The following SPAG16 variants were observed in gnomAD, a reference collection of about 807,000 sequenced individuals.
SPAG16 encodes the protein sperm associated antigen 16.
A neutral mutation model predicts 80.4 loss-of-function variants in SPAG16; 86 were observed. The ratio of observed to expected loss-of-function variants is 1.07; its 90% CI spans 0.90 to 1.28. The LOEUF (loss-of-function observed/expected upper bound fraction) is 1.28, where lower values mean the gene tolerates loss of function less well. Among genes scored for constraint, SPAG16 ranks in the 50% most tolerant of loss-of-function variants. The probability of loss-of-function intolerance (pLI) is 0.00; values close to 1 mark genes in which losing one functional copy is unlikely to be tolerated. For missense variants in SPAG16, 870 were observed against 765.3 expected (o/e 1.14, Z -1.61); for synonymous variants, 294 against 265.9 (o/e 1.11, Z -1.03).
chr2:214,082,099 C>G (rs189710901), intron 13 of SPAG16, among the ~76,000 whole-genome samples: 1 of 152,224 alleles, frequency 6.6e-6, no homozygotes, highest in East Asian at 1.9e-4. Context: ...CTTCCTGGCT[C>G]TTCTTGCCCC....
intron 12 of SPAG16, among the ~76,000 whole-genome samples, chr2:213,998,003 A>G (rs1181098030): frequency 6.6e-6 from 1 of 152,234 alleles, no homozygotes; most frequent in Non-Finnish European, 1.5e-5. Context: ...TCAGTTAACT[A>G]AATTATACTG....
intron 10 of SPAG16, among the ~76,000 whole-genome samples, chr2:213,830,945 G>A (rs1260088306): frequency 1.3e-5 from 2 of 151,388 alleles, no homozygotes; most frequent in Non-Finnish European, 2.9e-5. Context: ...ATATATGGTA[G>A]AATAAGGGTC....
At chr2:213,970,562 A>G (rs1367132517) in intron 12 of SPAG16, among the ~76,000 whole-genome samples, 1 of 152,156 alleles carries the variant, frequency 6.6e-6, no homozygotes, top group Non-Finnish European at 1.5e-5. Context: ...TTGGCCTCCC[A>G]AAGCACTGGT....
chr2:214,374,670 TAATCAGGGATCCCAAACAGAGCTGCAC>T (rs1700022899), intron 15 of SPAG16, among the ~76,000 whole-genome samples: 1 of 152,140 alleles, frequency 6.6e-6, no homozygotes, highest in Admixed American at 6.5e-5. Context: ...ATGTGTTGAA[TAATCAGGGATCCCAAACAGAGCTGCAC>T]TAGAGTAATT....
At chr2:214,251,339 GTAA>G (rs200306542) in intron 15 of SPAG16, among the ~76,000 whole-genome samples, 1 of 151,696 alleles carries the variant, frequency 6.6e-6, no homozygotes, top group Non-Finnish European at 1.5e-5. Flanking sequence ...AGAATTAAAA[GTAA>G]TAATAATAGG....
At chr2:213,536,605 C>T (rs1218629699) in intron 10 of SPAG16, among the ~76,000 whole-genome samples, 1 of 152,092 alleles carries the variant, frequency 6.6e-6, no homozygotes, top group Admixed American at 6.6e-5. Context: ...TTTCATGTGT[C>T]TTTTGGCTAC....
intron 15 of SPAG16, among the ~76,000 whole-genome samples, chr2:214,180,221 A>G (rs569725571): frequency 2.0e-5 from 3 of 151,720 alleles, no homozygotes; most frequent in African/African-American, 7.2e-5. Context: ...GCTTGAGTTT[A>G]TATGTTTTAT....
At position 214,165,469 on chromosome 2, in the gene SPAG16, C is replaced by CTTT. The variant is rs67726428; in HGVS notation, c.1720+16238_1720+16240dup. ...TTTAAAAATGCTTTGCATCACCATCCTTTTTTTTTTTTTTTTTTTTTTTTT... is the reference window on the plus strand; with the variant it reads ...TTTAAAAATGCTTTGCATCACCATCCTTTTTTTTTTTTTTTTTTTTTTTTTTTT... On this transcript the variant is annotated intron_variant, in intron 15 of 15. Transcript: ENST00000331683. 2.2e-3 allele frequency among the ~76,000 whole-genome samples: 82 copies of CTTT among 37,856 alleles called. 22 individuals carry two copies. The highest frequency in any genetic ancestry group is 0.014 in the East Asian group (15 of 1,048). 24.8% of individuals were successfully genotyped at this position (37,856 alleles called of 152,430 possible).
At chr2:214,304,194 C>T (rs1016668210) in intron 15 of SPAG16, among the ~76,000 whole-genome samples, 3 of 152,166 alleles carry the variant, frequency 2.0e-5, no homozygotes, top group Non-Finnish European at 2.9e-5. Flanking sequence ...TAATCTTGTT[C>T]TTTGTTATTG....
chr2:213,918,263 C>T (rs2078057485), intron 11 of SPAG16, among the ~76,000 whole-genome samples: 1 of 152,026 alleles, frequency 6.6e-6, no homozygotes, highest in African/African-American at 2.4e-5. Flanking sequence ...GTTTTTGTGT[C>T]AGGAAAATAG....
chr2:213,941,023 A>C (rs1357181069), intron 12 of SPAG16, among the ~76,000 whole-genome samples: 1 of 152,140 alleles, frequency 6.6e-6, no homozygotes, highest in Non-Finnish European at 1.5e-5. Flanking sequence ...ATGATTGTTC[A>C]CCTTCTCTTG....
Position 214,288,829 on chromosome 2 carries a change from C to T in SPAG16, c.1721-121311C>T, listed in dbSNP as rs554595578. ...TGTCACCCAGGCTGGAGTGCAGTGG[C>T]GCGATCTCAGCTCACTGCAAGCTCA... On this transcript the variant is annotated intron_variant, in intron 15 of 15. Transcript: ENST00000331683. 1.6e-4 allele frequency among the ~76,000 whole-genome samples: 24 copies of T among 151,250 alleles called. No individual in the cohort carries two copies. The East Asian group carries it at 4.7e-3, about 30-fold the overall frequency.
chr2:213,987,772 C>T lies in SPAG16; in HGVS notation c.1401-26179C>T, dbSNP rs887502164. ...TAAATTCTAATAAATGGCATAAAAGCAATACATAACAGAAAAACTATATAA... is the reference window on the plus strand; with the variant it reads ...TAAATTCTAATAAATGGCATAAAAGTAATACATAACAGAAAAACTATATAA... On this transcript the variant is annotated intron_variant, in intron 12 of 15. Coordinates refer to ENST00000331683, the MANE Select transcript of SPAG16 (RefSeq NM_024532.5). Among the ~76,000 whole-genome samples the T allele has an allele frequency of 5.4e-5, 8 of 146,828 alleles. 1 individual carries two copies. The highest frequency in any genetic ancestry group is 4.1e-4 in the Admixed American group (6 of 14,628).
chr2:213,706,480 G>A (rs2065756735), intron 10 of SPAG16, among the ~76,000 whole-genome samples: 1 of 152,128 alleles, frequency 6.6e-6, no homozygotes, highest in Non-Finnish European at 1.5e-5. Flanking sequence ...TGTAAATGGA[G>A]CAATGAAGAT....
intron 11 of SPAG16, among the ~76,000 whole-genome samples, chr2:213,902,489 A>T (rs998849132): frequency 1.3e-5 from 2 of 152,208 alleles, no homozygotes; most frequent in Non-Finnish European, 2.9e-5. Context: ...TAATAAAACC[A>T]TCAGATCTCA....
intron 15 of SPAG16, among the ~76,000 whole-genome samples, chr2:214,176,980 C>G (rs1369109618): frequency 6.6e-6 from 1 of 151,012 alleles, no homozygotes; most frequent in Non-Finnish European, 1.5e-5. Context: ...TGTGGTATAT[C>G]TATATTCAGT....
intron 15 of SPAG16, among the ~76,000 whole-genome samples, chr2:214,218,467 T>G (rs1559136159): frequency 6.6e-6 from 1 of 152,132 alleles, no homozygotes; most frequent in Non-Finnish European, 1.5e-5. Flanking sequence ...ACGCTGCCTT[T>G]AATCTGATTG....
chr2:214,317,878 G>A (rs1695799810), intron 15 of SPAG16, among the ~76,000 whole-genome samples: 1 of 152,166 alleles, frequency 6.6e-6, no homozygotes, highest in African/African-American at 2.4e-5. Context: ...ACCGATCGTG[G>A]TCTAGAAAAT....
chr2:214,399,554 C>A (rs1701592948), intron 15 of SPAG16, among the ~76,000 whole-genome samples: 1 of 151,916 alleles, frequency 6.6e-6, no homozygotes, highest in African/African-American at 2.4e-5. Context: ...GTTCTGACAC[C>A]AATGTACATT....
Sources: gnomAD v4.1 joint callset for allele counts (sites outside exome capture counted in the v4.1 genomes callset) on GRCh38, gnomAD v4.1.1 for gene constraint, MANE v1.5 for transcripts, NCBI Gene and HGNC (gene_info 2026-07-23, HGNC 2026-07-21) for gene names.